PXDNL: variants seen among roughly 807,000 people sequenced by gnomAD.
PXDNL encodes probable oxidoreductase PXDNL.
Under a neutral mutation model 150.8 loss-of-function variants are expected in PXDNL, and 145 were observed. The observed-to-expected ratio is 0.96, with a 90% CI of 0.84 to 1.10. The LOEUF is 1.10. Ranked by LOEUF, PXDNL falls within the 50% of genes least tolerant of loss-of-function variation. The pLI is 0.00. For missense variants in PXDNL, 2,087 were observed against 1,873.9 expected (o/e 1.11, Z -2.10); for synonymous variants, 757 against 725.7 (o/e 1.04, Z -0.69).
At chr8:51,798,460 C>A (rs1307778396) in intron 1 of PXDNL, among the ~76,000 whole-genome samples, 1 of 152,156 alleles carries the variant, frequency 6.6e-6, no homozygotes, top group African/African-American at 2.4e-5. Context: ...TATCCAAAAT[C>A]TGCAAGGAAC....
intron 13 of PXDNL, among the ~76,000 whole-genome samples, chr8:51,425,788 C>T (rs1425323653): frequency 6.6e-6 from 1 of 151,776 alleles, no homozygotes. Flanking sequence ...CGCCACTGCA[C>T]TCCAGCCTGG....
chr8:51,752,940 TG>T (rs2037060711), intron 1 of PXDNL, among the ~76,000 whole-genome samples: 1 of 152,208 alleles, frequency 6.6e-6, no homozygotes, highest in Admixed American at 6.5e-5. Flanking sequence ...GGGGTGGCTG[TG>T]ATGTCTCAGA....
Position 51,665,740 on chromosome 8 carries a change from C to A in PXDNL, c.165-10980G>T, listed in dbSNP as rs535139356. ...AATCCAGTTAACAGAATGTACATTC[C>A]TCTACAAGGATAGCCAAGCTGGTCA... On this transcript the variant is annotated intron_variant, in intron 1 of 22. Transcript: ENST00000356297. Among the ~76,000 whole-genome samples the A allele has an allele frequency of 8.5e-5, 13 of 152,238 alleles. No individual in the cohort carries two copies. The East Asian group carries it at 2.5e-3, about 29-fold the overall frequency.
intron 4 of PXDNL, among the ~76,000 whole-genome samples, chr8:51,503,224 A>G (rs1176549715): frequency 1.3e-5 from 2 of 152,184 alleles, no homozygotes; most frequent in African/African-American, 4.8e-5. Flanking sequence ...AATACACAGT[A>G]GGGTAAGCAA....
At chr8:51,593,734 G>A (rs1490670596) in intron 2 of PXDNL, among the ~76,000 whole-genome samples, 1 of 152,146 alleles carries the variant, frequency 6.6e-6, no homozygotes, top group African/African-American at 2.4e-5. Context: ...ATCTGAAGTG[G>A]CTGACACCTC....
chr8:51,382,916 T>C lies in PXDNL; in HGVS notation c.3558-8185A>G, dbSNP rs1030291660. Among the ~76,000 whole-genome samples the C allele has an allele frequency of 2.6e-5, 4 of 152,150 alleles. No individual in the cohort carries two copies. The East Asian group carries it at 5.8e-4, about 22-fold the overall frequency. On this transcript the variant is annotated intron_variant, in intron 17 of 22. Transcript: ENST00000356297. The stretch of plus-strand genomic sequence containing the variant: ...CTTTGTTAATTTCAGTTCTTCATCA[T>C]TGATCTTTTTCTCATGTCTTAAATA...
intron 4 of PXDNL, among the ~76,000 whole-genome samples, chr8:51,548,069 A>G (rs1427793264): frequency 1.3e-5 from 2 of 151,262 alleles, no homozygotes; most frequent in Middle Eastern, 3.2e-3. Flanking sequence ...AAAATCATAC[A>G]AGTAGAAGAA....
At chr8:51,787,081 T>C (rs1073371) in intron 1 of PXDNL, among the ~76,000 whole-genome samples, 103,130 of 148,310 alleles carry the variant, frequency 0.7, 41,820 homozygotes, top group Non-Finnish European at 0.9. Context: ...TTAAGTCTAC[T>C]GCTGCAACCT....
At chr8:51,593,262 G>A (rs1029355396) in intron 2 of PXDNL, among the ~76,000 whole-genome samples, 1 of 152,196 alleles carries the variant, frequency 6.6e-6, no homozygotes, top group African/African-American at 2.4e-5. Context: ...GAAATAAATC[G>A]AATTTGAACC....
chr8:51,397,628 C>A (rs11782014), intron 17 of PXDNL, among the ~76,000 whole-genome samples: 7,478 of 152,078 alleles, frequency 0.049, 198 homozygotes, highest in East Asian at 0.074. Context: ...CAAAGTCCTG[C>A]AATATTACTA....
chr8:51,735,526 GTTTTTTTTTTTTTTTTT>G (rs777986365), intron 1 of PXDNL, among the ~76,000 whole-genome samples: 18 of 41,108 alleles, frequency 4.4e-4, no homozygotes, highest in South Asian at 3.3e-3. Flanking sequence ...ATTAAAAATT[GTTTTTTTTTTTTTTTTT>G]TTTTTTTTTT....
intron 17 of PXDNL, among the ~76,000 whole-genome samples, chr8:51,390,893 C>T (rs1237550353): frequency 6.6e-6 from 1 of 152,078 alleles, no homozygotes; most frequent in Non-Finnish European, 1.5e-5. Context: ...TATCCCTCCC[C>T]CCTCCTCCGA....
At chr8:51,496,107 G>T (rs182677119) in intron 5 of PXDNL, among the ~76,000 whole-genome samples, 1,555 of 152,276 alleles carry the variant, frequency 0.01, 14 homozygotes, top group South Asian at 0.036. Context: ...TCATCCCTGG[G>T]ATGCAAGGCT....
chr8:51,408,328 G>C lies in PXDNL; in HGVS notation c.3296C>G (p.Pro1099Arg), dbSNP rs766991284. ...SRIIKEGGID[P>R]VLRGLFGVAA... ...CACGCCAAACAGCCCCCGGAGAACC[G>C]GGTCTATCCCACCTTCCTTGATTAT... The change falls in exon 17 of 23, where the codon CCG (proline) becomes CGG (arginine). Residue 1099 changes from proline to arginine, a missense_variant. Pro to Arg is a moderately radical substitution (Grantham distance 103, BLOSUM62 -2). Coordinates refer to ENST00000356297, the MANE Select transcript of PXDNL (RefSeq NM_144651.5). 6.2e-7 allele frequency: 1 copy of C among 1,613,902 alleles called. No homozygotes were observed. The highest frequency in any genetic ancestry group is 1.1e-5 in the South Asian group (1 of 91,088).
At chr8:51,772,467 C>T (rs995176106) in intron 1 of PXDNL, among the ~76,000 whole-genome samples, 5 of 152,130 alleles carry the variant, frequency 3.3e-5, no homozygotes, top group Admixed American at 6.5e-5. Context: ...GGCCTAAGCT[C>T]GTCTAGGCAG....
intron 5 of PXDNL, among the ~76,000 whole-genome samples, chr8:51,496,582 T>C (rs1281881751): frequency 6.6e-6 from 1 of 152,134 alleles, no homozygotes; most frequent in East Asian, 1.9e-4. Flanking sequence ...TTCAGCAAAG[T>C]CTCAAGATAC....
intron 3 of PXDNL, among the ~76,000 whole-genome samples, chr8:51,591,529 T>TAAAGATGTAAAG (rs770978666): frequency 0.069 from 10,521 of 152,236 alleles, 452 homozygotes; most frequent in South Asian, 0.1. Flanking sequence ...TGGAATGGTG[T>TAAAGATGTAAAG]CTTCTCTTTA....
chr8:51,639,789 T>G (rs1476576631), intron 2 of PXDNL, among the ~76,000 whole-genome samples: 1 of 152,080 alleles, frequency 6.6e-6, no homozygotes, highest in African/African-American at 2.4e-5. Context: ...GAGGAACTGG[T>G]ACCATTCCTT....
intron 2 of PXDNL, among the ~76,000 whole-genome samples, chr8:51,651,194 C>A (rs1239272742): frequency 6.6e-6 from 1 of 152,118 alleles, no homozygotes; most frequent in Non-Finnish European, 1.5e-5. Context: ...CTACAAACTG[C>A]ACCTGTATCT....
Sources: allele counts gnomAD v4.1 joint callset (sites outside exome capture counted in the v4.1 genomes callset), GRCh38; gene constraint gnomAD v4.1.1; transcripts MANE v1.5; gene names NCBI Gene and HGNC (gene_info 2026-07-23, HGNC 2026-07-21).